The following PPP2R2C variants were observed in gnomAD, a reference collection of about 807,000 sequenced individuals.
PPP2R2C encodes the protein protein phosphatase 2, regulatory subunit B, gamma.
PPP2R2C carries 10 observed loss-of-function variants against 45.3 expected under a neutral mutation model. The observed-to-expected ratio is 0.22, with a 90% CI of 0.14 to 0.37. The LOEUF (loss-of-function observed/expected upper bound fraction) is 0.37. PPP2R2C is among the 10% of genes least tolerant of loss of function. The probability of loss-of-function intolerance (pLI) is 1.00; values close to 1 mark genes in which losing one functional copy is unlikely to be tolerated. For missense variants in PPP2R2C, 308 were observed against 619.7 expected (o/e 0.50, Z 5.34); for synonymous variants, 257 against 245.4 (o/e 1.05, Z -0.44).
chr4:6,413,763 G>A, intron 1 of PPP2R2C: 2 of 1,089,946 alleles, frequency 1.8e-6, no homozygotes, highest in South Asian at 3.2e-5. Flanking sequence ...TGGCAGCTGG[G>A]GTCACTGAGA....
chr4:6,353,369 A>AAC, intron 5 of PPP2R2C, among the ~76,000 whole-genome samples: 1 of 16,302 alleles, frequency 6.1e-5, no homozygotes, highest in Admixed American at 1.1e-3. Context: ...ACAGCCCCCC[A>AAC]ACCAACAGCC....
At chr4:6,349,215 G>A (rs1442637334) in intron 5 of PPP2R2C, 20 of 985,270 alleles carry the variant, frequency 2.0e-5, no homozygotes, top group Non-Finnish European at 2.4e-5. Flanking sequence ...GCCCTGCATG[G>A]GGCTTTGCAC....
intron 1 of PPP2R2C, among the ~76,000 whole-genome samples, chr4:6,468,494 G>A (rs1479210901): frequency 1.3e-5 from 2 of 152,186 alleles, no homozygotes; most frequent in African/African-American, 4.8e-5. Context: ...TGATGGCTGA[G>A]ATGCTCAAAC....
At position 6,519,509 on chromosome 4, in the gene PPP2R2C, C is replaced by G. The variant is rs567762439; in HGVS notation, c.49+15762G>C. On this transcript the variant is annotated intron_variant, in intron 2 of 9. Transcript: ENST00000506140. ...AGCCTCCCTCTCCTCTGCAGCCACA[C>G]AGGCCTCTGGGCCATGCTGCCTCCT... Among the ~76,000 whole-genome samples the G allele has an allele frequency of 4.9e-3, 751 of 152,360 alleles. 7 individuals carry two copies. Among genetic ancestry groups the G allele is most frequent in the Non-Finnish European group, 5.3e-3 (362 of 68,034 alleles).
intron 6 of PPP2R2C, among the ~76,000 whole-genome samples, chr4:6,340,428 T>C (rs1285186813): frequency 1.3e-5 from 2 of 152,094 alleles, no homozygotes; most frequent in Admixed American, 6.5e-5. Context: ...CCCACTCCAA[T>C]GCACCTACTT....
chr4:6,385,743 T>C (rs1331252098), intron 1 of PPP2R2C, among the ~76,000 whole-genome samples: 1 of 152,118 alleles, frequency 6.6e-6, no homozygotes, highest in East Asian at 1.9e-4. Context: ...CTAATTTTTG[T>C]ATTTTTAGTA....
chr4:6,402,187 C>T (rs1231941216), intron 1 of PPP2R2C, among the ~76,000 whole-genome samples: 1 of 152,178 alleles, frequency 6.6e-6, no homozygotes, highest in Non-Finnish European at 1.5e-5. Context: ...GGCAAAGGTG[C>T]CCTGCTCAGG....
At chr4:6,563,781 G>A (rs1725661220), upstream of PPP2R2C, among the ~76,000 whole-genome samples, 1 of 144,216 alleles carries the variant, frequency 6.9e-6, no homozygotes, top group Non-Finnish European at 1.5e-5. The surrounding 1 kb of genome is among the most constrained non-coding windows in gnomAD (Gnocchi z 5.8). Flanking sequence ...ACCGCGACGG[G>A]CGTCCTCCGG....
At chr4:6,361,512 G>A (rs1034980807) in intron 5 of PPP2R2C, among the ~76,000 whole-genome samples, 4 of 152,194 alleles carry the variant, frequency 2.6e-5, no homozygotes, top group African/African-American at 9.7e-5. Context: ...CTTCTGCTTT[G>A]CAGGGCTGTA....
At chr4:6,501,150 ACT>A (rs1041982338) in intron 2 of PPP2R2C, among the ~76,000 whole-genome samples, 2 of 152,122 alleles carry the variant, frequency 1.3e-5, no homozygotes, top group African/African-American at 2.4e-5. Context: ...GTAAGCCCAA[ACT>A]CTGCATTTGC....
At chr4:6,410,557 T>A (rs113253693) in intron 1 of PPP2R2C, among the ~76,000 whole-genome samples, 2,186 of 152,154 alleles carry the variant, frequency 0.014, 49 homozygotes, top group African/African-American at 0.05. Context: ...CGCCAGGTGG[T>A]AGGTACTGTG....
intron 1 of PPP2R2C, among the ~76,000 whole-genome samples, chr4:6,470,351 C>T (rs956037257): frequency 6.6e-6 from 1 of 152,196 alleles, no homozygotes; most frequent in Admixed American, 6.5e-5. Flanking sequence ...ACTGTGCCGT[C>T]CCCGTTCCTG....
intron 2 of PPP2R2C, among the ~76,000 whole-genome samples, chr4:6,506,291 T>C (rs139052557): frequency 4.6e-5 from 7 of 152,346 alleles, no homozygotes; most frequent in Non-Finnish European, 1.0e-4. Flanking sequence ...ACTCATCAAA[T>C]TGAACACGTA....
chr4:6,522,720 G>A (rs1724065721), intron 2 of PPP2R2C, among the ~76,000 whole-genome samples: 1 of 152,272 alleles, frequency 6.6e-6, no homozygotes, highest in Non-Finnish European at 1.5e-5. Context: ...ACAGGATGCT[G>A]AGGTCTCAGC....
intron 2 of PPP2R2C, among the ~76,000 whole-genome samples, chr4:6,511,249 CTGA>C (rs1723446404): frequency 4.0e-5 from 1 of 25,256 alleles, no homozygotes; most frequent in African/African-American, 5.8e-5. Flanking sequence ...GCTGGTGATG[CTGA>C]TGCTGATGCT....
At chr4:6,346,740 G>C (rs560564595) in intron 6 of PPP2R2C, among the ~76,000 whole-genome samples, 1 of 152,252 alleles carries the variant, frequency 6.6e-6, no homozygotes, top group South Asian at 2.1e-4. Flanking sequence ...TCCTGGGGCT[G>C]GTGTGCACCC....
chr4:6,503,472 T>C (rs1473684638), intron 2 of PPP2R2C, among the ~76,000 whole-genome samples: 1 of 152,196 alleles, frequency 6.6e-6, no homozygotes, highest in Non-Finnish European at 1.5e-5. Flanking sequence ...TCTGCTAGCA[T>C]AGTATAGGTG....
intron 2 of PPP2R2C, among the ~76,000 whole-genome samples, chr4:6,527,376 C>A (rs1225049454): frequency 1.3e-5 from 2 of 152,144 alleles, no homozygotes; most frequent in South Asian, 2.1e-4. Context: ...CTGCTGTGCA[C>A]CCCTGAGCAG....
At chr4:6,338,326 C>T (rs937689013) in intron 6 of PPP2R2C, among the ~76,000 whole-genome samples, 4 of 152,190 alleles carry the variant, frequency 2.6e-5, no homozygotes, top group South Asian at 2.1e-4. Flanking sequence ...TGGCTCGAGC[C>T]GGTTCCCTGA....
Sources: allele counts gnomAD v4.1 joint callset (sites outside exome capture counted in the v4.1 genomes callset), GRCh38; gene constraint gnomAD v4.1.1; non-coding constraint Gnocchi (gnomAD v3.1); transcripts MANE v1.5; gene names NCBI Gene and HGNC (gene_info 2026-07-23, HGNC 2026-07-21).